The following GNA12 variants were observed in gnomAD, a reference collection of about 807,000 sequenced individuals.
GNA12 encodes the protein guanine nucleotide-binding protein subunit alpha-12.
Under a neutral mutation model 26.0 loss-of-function variants are expected in GNA12, and 9 were observed. The observed-to-expected ratio is 0.35, with a 90% CI of 0.21 to 0.60. The LOEUF is 0.60. Among genes scored for constraint, GNA12 ranks in the 20% least tolerant of loss-of-function variants. GNA12 has a pLI of 0.78. For synonymous variants in GNA12, 264 were observed against 219.6 expected, an observed-to-expected ratio of 1.20 and a Z score of -1.79; for missense variants, 405 against 525.8, an observed-to-expected ratio of 0.77 and a Z score of 2.25.
At chr7:2,820,233 C>T (rs1462709069) in intron 1 of GNA12, among the ~76,000 whole-genome samples, 1 of 152,062 alleles carries the variant, frequency 6.6e-6, no homozygotes, top group Admixed American at 6.6e-5. Context: ...GGGGCTGGGG[C>T]AGGAGGAAAA....
At chr7:2,802,866 C>T (rs1262987148) in intron 1 of GNA12, among the ~76,000 whole-genome samples, 2 of 152,176 alleles carry the variant, frequency 1.3e-5, no homozygotes, top group Non-Finnish European at 2.9e-5. Context: ...TAAAGGTCAG[C>T]GAGAAACTGA....
At position 2,819,120 on chromosome 7, in the gene GNA12, G is replaced by C. The variant is rs1023043473; in HGVS notation, c.310-23977C>G. Among the ~76,000 whole-genome samples, 29 of 152,292 alleles carry C rather than the reference G, an allele frequency of 1.9e-4. 1 individual carries two copies. The highest frequency in any genetic ancestry group is 1.9e-4 in the East Asian group (1 of 5,178). ...TGTGGAAGGTGGAAAAGTCTGGCAGGTTCCTTGTGAGCCGCTCGCTGCTGG... is the reference window on the plus strand; with the variant it reads ...TGTGGAAGGTGGAAAAGTCTGGCAGCTTCCTTGTGAGCCGCTCGCTGCTGG... On this transcript the variant is annotated intron_variant, in intron 1 of 3. Transcript: ENST00000275364.
Position 2,790,609 on chromosome 7 carries a change from T to C in GNA12, c.525+4319A>G, listed in dbSNP as rs3846992. On this transcript the variant is annotated intron_variant, in intron 2 of 3. Coordinates refer to ENST00000275364, the MANE Select transcript of GNA12 (RefSeq NM_007353.3). ...AATCCAGGTCACATTCAGGTCAGGA[T>C]CCACACACCAAAGACACTGATATAT... Among the ~76,000 whole-genome samples, 211 of 151,972 alleles carry C rather than the reference T, an allele frequency of 1.4e-3. 2 individuals are homozygous for C. The highest frequency in any genetic ancestry group is 2.4e-3 in the Non-Finnish European group (160 of 67,976).
At chr7:2,835,735 G>A in intron 1 of GNA12, 1 of 733,232 alleles carries the variant, frequency 1.4e-6, no homozygotes, top group Non-Finnish European at 2.4e-6. Flanking sequence ...GCTGAAGGAA[G>A]AAATAGAAGT....
chr7:2,737,161 G>C (rs1283911281), intron 2 of GNA12, among the ~76,000 whole-genome samples: 1 of 151,900 alleles, frequency 6.6e-6, no homozygotes, highest in Non-Finnish European at 1.5e-5. Context: ...ACAGATCAAG[G>C]ACCAGAGAGT....
rs1789702033 is a variant in GNA12 at position 2,728,125 on chromosome 7, G to C, written c.*3056C>G. The C allele has an allele frequency of 6.6e-6, 1 of 151,884 alleles. No homozygotes were observed. Among genetic ancestry groups the C allele is most frequent in the Non-Finnish European group, 1.5e-5 (1 of 67,982 alleles). The allele number at this position is 151,884 out of a possible 1,614,324, so 9.4% of individuals were successfully genotyped here. On this transcript the variant is annotated 3_prime_UTR_variant, in exon 4 of 4. Transcript: ENST00000275364. ...CACTATTTTATATTAAGCAAAGAAA[G>C]ACTAAATTTATTTTAATAAACATTC...
chr7:2,791,558 T>C (rs1792519520), intron 2 of GNA12, among the ~76,000 whole-genome samples: 1 of 152,208 alleles, frequency 6.6e-6, no homozygotes. Flanking sequence ...GGGAGGCGCC[T>C]AGTACCTGGC....
intron 2 of GNA12, among the ~76,000 whole-genome samples, chr7:2,781,412 C>CTG (rs58348546): frequency 0.027 from 3,809 of 143,678 alleles, 53 homozygotes; most frequent in East Asian, 0.043. Flanking sequence ...AAGTAAGTGT[C>CTG]TGTGTGTGTG....
chr7:2,752,463 C>T (rs530960738), intron 2 of GNA12, among the ~76,000 whole-genome samples: 8 of 152,038 alleles, frequency 5.3e-5, no homozygotes, highest in African/African-American at 9.7e-5. Flanking sequence ...AGCAAGCAAG[C>T]GAACAAATGA....
At chr7:2,783,079 G>A (rs1222381096) in intron 2 of GNA12, among the ~76,000 whole-genome samples, 1 of 152,186 alleles carries the variant, frequency 6.6e-6, no homozygotes, top group African/African-American at 2.4e-5. Flanking sequence ...AATATCTGAA[G>A]CATGTAGGTC....
chr7:2,773,262 C>T (rs1562420857), intron 2 of GNA12, among the ~76,000 whole-genome samples: 1 of 152,162 alleles, frequency 6.6e-6, no homozygotes, highest in African/African-American at 2.4e-5. Context: ...AATTATACTT[C>T]AATTAAAACA....
chr7:2,788,104 A>G (rs570322486), intron 2 of GNA12, among the ~76,000 whole-genome samples: 2 of 152,002 alleles, frequency 1.3e-5, no homozygotes, highest in African/African-American at 4.8e-5. Flanking sequence ...CAGTGAGCTG[A>G]GATTGTGCCA....
At chr7:2,828,273 T>C (rs960509391) in intron 1 of GNA12, among the ~76,000 whole-genome samples, 2 of 152,256 alleles carry the variant, frequency 1.3e-5, no homozygotes, top group Admixed American at 6.5e-5. Context: ...GACAGCTAAA[T>C]TATATTCCTA....
At chr7:2,802,960 G>A (rs1792848622) in intron 1 of GNA12, among the ~76,000 whole-genome samples, 1 of 152,162 alleles carries the variant, frequency 6.6e-6, no homozygotes, top group Admixed American at 6.5e-5. Flanking sequence ...ATAACTCCGC[G>A]GATTTGCCTT....
chr7:2,769,251 C>G lies in GNA12; in HGVS notation c.525+25677G>C, dbSNP rs1388836994. On this transcript the variant is annotated intron_variant, in intron 2 of 3. Transcript: ENST00000275364. ...GACCTTCATTCCTTCTAATAGCCAT[C>G]TGGTATTCTACTTAAACAGCATCAC... 2.6e-5 allele frequency among the ~76,000 whole-genome samples: 4 copies of G among 152,202 alleles called. No individual in the cohort carries two copies. In the East Asian group the frequency reaches 5.8e-4, roughly 22 times the overall value.
intron 1 of GNA12, chr7:2,815,008 C>A: frequency 6.5e-7 from 1 of 1,534,302 alleles, no homozygotes; most frequent in Non-Finnish European, 8.8e-7. Context: ...GGTCTAATCT[C>A]GCCCCTTCCA....
At chr7:2,771,936 C>CCTTG (rs1166514309) in intron 2 of GNA12, among the ~76,000 whole-genome samples, 1 of 152,128 alleles carries the variant, frequency 6.6e-6, no homozygotes, top group Non-Finnish European at 1.5e-5. Flanking sequence ...CCTCACTGTG[C>CCTTG]CTTGGGTGGT....
chr7:2,812,636 A>AACATCACATCACATCACATC lies in GNA12; in HGVS notation c.310-17513_310-17494dup, dbSNP rs3831678. Among the ~76,000 whole-genome samples, 779 of 134,182 alleles carry AACATCACATCACATCACATC rather than the reference A, an allele frequency of 5.8e-3. 38 individuals are homozygous for AACATCACATCACATCACATC. Among genetic ancestry groups the AACATCACATCACATCACATC allele is most frequent in the Middle Eastern group, 0.012 (3 of 260 alleles). The allele number at this position is 134,182 out of a possible 152,430, so 88.0% of individuals were successfully genotyped here. ...AAGAGTGAAACTCCATCTCAAAAATAACATCACATCACATCACATCACATC... is the reference window on the plus strand; with the variant it reads ...AAGAGTGAAACTCCATCTCAAAAATAACATCACATCACATCACATCACATCACATCACATCACATCACATC... On this transcript the variant is annotated intron_variant, in intron 1 of 3. Transcript: ENST00000275364.
intron 1 of GNA12, among the ~76,000 whole-genome samples, chr7:2,829,887 C>T (rs563514722): frequency 7.4e-4 from 112 of 152,284 alleles, no homozygotes; most frequent in Admixed American, 1.7e-3. Flanking sequence ...GACAGACAGA[C>T]GCTGCTTTCA....
Sources: gnomAD v4.1 joint callset for allele counts (sites outside exome capture counted in the v4.1 genomes callset) on GRCh38, gnomAD v4.1.1 for gene constraint, MANE v1.5 for transcripts, NCBI Gene and HGNC (gene_info 2026-07-23, HGNC 2026-07-21) for gene names.